Variants in CD163L1 observed in about 807,000 individuals in gnomAD.
CD163L1 encodes the protein CD163 molecule like 1, also known as scavenger receptor cysteine-rich type 1 protein M160.
CD163L1 carries 124 observed loss-of-function variants against 165.4 expected under a neutral mutation model. The observed-to-expected ratio is 0.75, with a 90% CI of 0.65 to 0.87. The LOEUF is 0.87. Among genes scored for constraint, CD163L1 ranks in the 40% least tolerant of loss-of-function variants. CD163L1 has a pLI of 0.00. For synonymous variants in CD163L1, 585 were observed against 662.2 expected (o/e 0.88, Z 1.79); for missense variants, 1,525 against 1,799.9 (o/e 0.85, Z 2.76).
chr12:7,398,849 G>A lies in CD163L1; in HGVS notation c.1409-265C>T, dbSNP rs1158326654. On this transcript the variant is annotated intron_variant, in intron 6 of 19. Transcript: ENST00000313599. This position sits in a 1 kb window ranked among gnomAD's most constrained non-coding sequence, Gnocchi z 4.5. ...ATGTTATGAAGCCTCCAAGAATGAC[G>A]GATTTGGATAAGATGAGCAACGTGG... 6.6e-6 allele frequency among the ~76,000 whole-genome samples: 1 copy of A among 152,098 alleles called. No homozygotes were observed. The highest frequency in any genetic ancestry group is 1.5e-5 in the Non-Finnish European group (1 of 68,016).
At chr12:7,375,226 T>C in intron 11 of CD163L1, 55 bp downstream of exon 11, 1 of 1,560,780 alleles carries the variant, frequency 6.4e-7, no homozygotes, top group East Asian at 2.3e-5. Flanking sequence ...CCCAACTCCC[T>C]CTACCATGTC....
At chr12:7,363,625 C>A (rs1946952102) in intron 18 of CD163L1, among the ~76,000 whole-genome samples, 3 of 151,492 alleles carry the variant, frequency 2.0e-5, no homozygotes, top group Non-Finnish European at 4.4e-5. Context: ...TACAAAGAAT[C>A]ATTTAAAAAT....
At chr12:7,352,707 CAAG>C, downstream of CD163L1, among the ~76,000 whole-genome samples, 1 of 151,872 alleles carries the variant, frequency 6.6e-6, no homozygotes, top group Non-Finnish European at 1.5e-5. Context: ...AAAATAAAAA[CAAG>C]AATAAAAAAC....
intron 2 of CD163L1, 73 bp downstream of exon 2, chr12:7,441,081 C>G (rs1415532643): frequency 3.9e-6 from 4 of 1,017,088 alleles, no homozygotes; most frequent in Non-Finnish European, 6.2e-6. Flanking sequence ...AAAATATGCA[C>G]TTAGGGTAGT....
intron 4 of CD163L1, among the ~76,000 whole-genome samples, chr12:7,413,480 C>G (rs1458126059): frequency 1.3e-5 from 2 of 152,228 alleles, no homozygotes; most frequent in Non-Finnish European, 2.9e-5. Flanking sequence ...CTCATTATCT[C>G]TACCAAGAAA....
chr12:7,440,245 G>A (rs937881840), intron 2 of CD163L1, among the ~76,000 whole-genome samples: 3 of 151,968 alleles, frequency 2.0e-5, no homozygotes, highest in Non-Finnish European at 4.4e-5. Context: ...CAGCCCTGGA[G>A]GCGGCCCCGC....
chr12:7,398,095 G>A lies in CD163L1; in HGVS notation c.1729+169C>T, dbSNP rs540126050. 9.2e-5 allele frequency among the ~76,000 whole-genome samples: 14 copies of A among 152,332 alleles called. No homozygotes were observed. The highest frequency in any genetic ancestry group is 3.4e-3 in the Middle Eastern group (1 of 294). On this transcript the variant is annotated intron_variant, in intron 7 of 19. Coordinates refer to ENST00000313599, the MANE Select transcript of CD163L1 (RefSeq NM_174941.6). This position sits in a 1 kb window ranked among gnomAD's most constrained non-coding sequence, Gnocchi z 4.5. ...TGTCTACTAATTTCTTACTTTACCT[G>A]TATAAGTGGAAGAGTTCCAGGTGAA... is the stretch of plus-strand genomic sequence containing the variant.
chr12:7,388,842 G>C (rs913166462), intron 8 of CD163L1, among the ~76,000 whole-genome samples: 1 of 151,206 alleles, frequency 6.6e-6, no homozygotes, highest in Non-Finnish European at 1.5e-5. Flanking sequence ...ACTAAAAATA[G>C]AACTTAATCA....
chr12:7,406,490 A>G, intron 5 of CD163L1, 42 bp downstream of exon 5: 2 of 1,584,882 alleles, frequency 1.3e-6, no homozygotes, highest in South Asian at 2.3e-5. Flanking sequence ...TTCTCCAAAA[A>G]AGAAATTTTA....
At chr12:7,357,555 G>A in intron 18 of CD163L1, 69 bp from the exon 19 acceptor site, 1 of 1,326,038 alleles carries the variant, frequency 7.5e-7, no homozygotes, top group East Asian at 2.3e-5. Flanking sequence ...GAGCTGTTAA[G>A]TGCAGTGTTT....
At chr12:7,385,340 A>G (rs1321441299) in intron 8 of CD163L1, among the ~76,000 whole-genome samples, 1 of 152,008 alleles carries the variant, frequency 6.6e-6, no homozygotes, top group African/African-American at 2.4e-5. Context: ...ACACCCAACA[A>G]TGAAGCACTC....
intron 2 of CD163L1, among the ~76,000 whole-genome samples, chr12:7,433,909 T>C (rs1026831801): frequency 6.6e-6 from 1 of 152,198 alleles, no homozygotes; most frequent in Non-Finnish European, 1.5e-5. Flanking sequence ...TTGCTTTGCA[T>C]TGTAATGTGA....
chr12:7,350,265 G>A (rs954292253), downstream of CD163L1, among the ~76,000 whole-genome samples: 1 of 152,138 alleles, frequency 6.6e-6, no homozygotes, highest in African/African-American at 2.4e-5. Flanking sequence ...AGATTTCCTA[G>A]ACCTAAGATG....
downstream of CD163L1, among the ~76,000 whole-genome samples, chr12:7,353,759 AT>A (rs900684865): frequency 6.6e-6 from 1 of 152,026 alleles, no homozygotes; most frequent in African/African-American, 2.4e-5. Context: ...TTCTTTCAAT[AT>A]TTTTTAACAT....
Position 7,398,658 on chromosome 12 carries a change from A to ATTTG in CD163L1, c.1409-75_1409-74insCAAA. On this transcript the variant is annotated intron_variant, in intron 6 of 19. Coordinates refer to ENST00000313599, the MANE Select transcript of CD163L1 (RefSeq NM_174941.6). The surrounding 1 kb of genome is among the most constrained non-coding windows in gnomAD (Gnocchi z 4.5). Reference sequence around the variant, plus strand: ...TTCAGAAGACTGAAAAGACTCTCTAAATTCACGACTATAAGGCTTTGCCTA... The same window carrying ATTTG: ...TTCAGAAGACTGAAAAGACTCTCTAATTTGATTCACGACTATAAGGCTTTGCCTA... 7.7e-7 allele frequency: 1 copy of ATTTG among 1,300,228 alleles called. No homozygotes were observed. Among genetic ancestry groups the ATTTG allele is most frequent in the Non-Finnish European group, 1.1e-6 (1 of 951,586 alleles). 80.5% of individuals were successfully genotyped at this position (1,300,228 alleles called of 1,614,324 possible). A position where few individuals can be genotyped will look rare whatever the true frequency, so the allele number is the denominator to read the frequency against.
Position 7,369,116 on chromosome 12 carries a change from C to T in CD163L1, c.4040-151G>A, listed in dbSNP as rs1394360566. The T allele has an allele frequency of 9.4e-7, 1 of 1,058,596 alleles. No homozygotes were observed. The highest frequency in any genetic ancestry group is 1.6e-5 in the African/African-American group (1 of 63,302). 65.6% of individuals were successfully genotyped at this position (1,058,596 alleles called of 1,614,324 possible). A position where few individuals can be genotyped will look rare whatever the true frequency, so the allele number is the denominator to read the frequency against. On this transcript the variant is annotated intron_variant, in intron 15 of 19. Transcript: ENST00000313599. This position sits in a 1 kb window ranked among gnomAD's most constrained non-coding sequence, Gnocchi z 4.9. ...TGTCATTTAAAATATCAGTCAGAAT[C>T]CTCTTGCTTCAAAGTCTAAGGCCAA...
chr12:7,330,065 T>TA, the CD163L1 span, among the ~76,000 whole-genome samples: 1 of 152,184 alleles, frequency 6.6e-6, no homozygotes, highest in Non-Finnish European at 1.5e-5. Context: ...CTATCCTCCC[T>TA]ATTCACCTAA....
downstream of CD163L1, among the ~76,000 whole-genome samples, chr12:7,344,858 T>C (rs1378178595): frequency 6.6e-6 from 1 of 152,194 alleles, no homozygotes; most frequent in Non-Finnish European, 1.5e-5. Context: ...TGTATCTGGG[T>C]CCCTTTGAAC....
chr12:7,430,832 A>G (rs1276816631), intron 4 of CD163L1, among the ~76,000 whole-genome samples: 3 of 151,976 alleles, frequency 2.0e-5, no homozygotes, highest in Non-Finnish European at 4.4e-5. Flanking sequence ...CAATGTTCTG[A>G]GGTGGGTTGG....
Sources: gnomAD v4.1 joint callset for allele counts (sites outside exome capture counted in the v4.1 genomes callset) on GRCh38, gnomAD v4.1.1 for gene constraint, Gnocchi (gnomAD v3.1) non-coding constraint, MANE v1.5 for transcripts, NCBI Gene and HGNC (gene_info 2026-07-23, HGNC 2026-07-21) for gene names.